ADAMTS10: variants seen among roughly 807,000 people sequenced by gnomAD.
ADAMTS10 encodes ADAM metallopeptidase with thrombospondin type 1 motif 10.
Under a neutral mutation model 135.9 loss-of-function variants are expected in ADAMTS10, and 48 were observed. That is an observed-to-expected ratio of 0.35 (90% CI 0.28 to 0.45). The LOEUF is 0.45. ADAMTS10 is among the 20% of genes least tolerant of loss of function. The probability of loss-of-function intolerance (pLI) is 1.00; values close to 1 mark genes in which losing one functional copy is unlikely to be tolerated. For synonymous variants in ADAMTS10, 621 were observed against 647.5 expected, an observed-to-expected ratio of 0.96 and a Z score of 0.62; for missense variants, 1,131 against 1,565.2, an observed-to-expected ratio of 0.72 and a Z score of 4.68.
chr19:8,597,191 G>C (rs367762915), intron 7 of ADAMTS10, 43 bp downstream of exon 7: 1 of 1,613,994 alleles, frequency 6.2e-7, no homozygotes, highest in African/African-American at 1.3e-5. Context: ...GGCAGGACAT[G>C]CTGGTATGAA....
At chr19:8,602,948 C>T (rs1444450935) in intron 5 of ADAMTS10, among the ~76,000 whole-genome samples, 3 of 152,078 alleles carry the variant, frequency 2.0e-5, no homozygotes, top group African/African-American at 7.2e-5. Flanking sequence ...CCTAGCAGTA[C>T]GATTGTGTTG....
chr19:8,591,442 GTTTT>G (rs375476762), intron 15 of ADAMTS10, among the ~76,000 whole-genome samples: 2 of 130,418 alleles, frequency 1.5e-5, no homozygotes, highest in East Asian at 2.1e-4. Flanking sequence ...TAGCGTTTTT[GTTTT>G]TTTTTTTTTT....
At chr19:8,587,166 T>TC (rs1337252019) in intron 18 of ADAMTS10, among the ~76,000 whole-genome samples, 1 of 150,826 alleles carries the variant, frequency 6.6e-6, no homozygotes, top group Non-Finnish European at 1.5e-5. Flanking sequence ...TTTCTTTCTT[T>TC]TTTTTTTTTG....
At chr19:8,593,055 C>T (rs966712165) in intron 12 of ADAMTS10, 185 bp from the exon 13 acceptor site, 1 of 647,452 alleles carries the variant, frequency 1.5e-6, no homozygotes, top group African/African-American at 1.8e-5. Flanking sequence ...GTGACTTATA[C>T]TCTCCCAATA....
chr19:8,589,626 C>A (rs1555738383), intron 16 of ADAMTS10, 41 bp from the exon 17 acceptor site: 1 of 1,611,644 alleles, frequency 6.2e-7, no homozygotes, highest in African/African-American at 1.3e-5. Context: ...CCAGGCCACC[C>A]CGGAACTCTT....
Position 8,591,940 on chromosome 19 carries a change from G to A in ADAMTS10, c.1733+18C>T. ...AGGGGTCGCGCTGCCCTCCCGGGTGGGGGTCCTGAGGGCTGACCTGGGGCT... is the reference window on the plus strand; with the variant it reads ...AGGGGTCGCGCTGCCCTCCCGGGTGAGGGTCCTGAGGGCTGACCTGGGGCT... On this transcript the variant is annotated intron_variant, in intron 14 of 25. Transcript: ENST00000597188. The A allele has an allele frequency of 6.2e-7, 1 of 1,612,068 alleles. No individual in the cohort carries two copies.
At position 8,596,280 on chromosome 19, in the gene ADAMTS10, T is replaced by TC. The variant is rs781972912; in HGVS notation, c.1190+26dup. The TC allele has an allele frequency of 1.9e-6, 3 of 1,612,120 alleles. No homozygotes were observed. The highest frequency in any genetic ancestry group is 2.5e-6 in the Non-Finnish European group (3 of 1,179,890). On this transcript the variant is annotated intron_variant, in intron 10 of 25. Transcript: ENST00000597188. The surrounding 1 kb of genome is among the most constrained non-coding windows in gnomAD (Gnocchi z 7.2). ...GGGACCCGCCCAGCTCCTCCCCTCC[T>TC]CCCCCTCTTGTGTGCCCTGGCCTCA...
At chr19:8,600,558 G>T (rs1180404639) in intron 6 of ADAMTS10, among the ~76,000 whole-genome samples, 8 of 148,192 alleles carry the variant, frequency 5.4e-5, no homozygotes, top group Non-Finnish European at 1.2e-4. Flanking sequence ...GAGTGCAGTG[G>T]CGTGATCTTG....
chr19:8,600,528 T>G (rs1302611734), intron 6 of ADAMTS10, among the ~76,000 whole-genome samples: 1 of 148,728 alleles, frequency 6.7e-6, no homozygotes, highest in Admixed American at 6.7e-5. Context: ...TGACAGAGTC[T>G]TGCTCTGTCG....
chr19:8,585,083 C>T (rs1555736514), intron 24 of ADAMTS10, 29 bp from the exon 25 acceptor site: 4 of 1,502,604 alleles, frequency 2.7e-6, no homozygotes, highest in South Asian at 1.2e-5. Context: ...CAGTTGCTGC[C>T]CCGCAGCCCC....
rs996793365 is a variant in ADAMTS10, at chr19:8,602,421, C to T, written c.593-1276G>A. Reference sequence around the variant, plus strand: ...GCAACCTCTACCTCCCGGGTTCAGGCGATTCTCCTGCCTTAGCCTCCCAAG... The same window carrying T: ...GCAACCTCTACCTCCCGGGTTCAGGTGATTCTCCTGCCTTAGCCTCCCAAG... On this transcript the variant is annotated intron_variant, in intron 5 of 25. Transcript: ENST00000597188. Among the ~76,000 whole-genome samples the T allele has an allele frequency of 2.6e-5, 4 of 152,046 alleles. No individual in the cohort carries two copies. In the East Asian group the frequency reaches 5.8e-4, roughly 22 times the overall value.
At position 8,585,036 on chromosome 19, in the gene ADAMTS10, C is replaced by T; in HGVS notation, c.3061G>A (p.Val1021Ile). The T allele has an allele frequency of 6.5e-7, 1 of 1,531,488 alleles. No individual in the cohort carries two copies. The highest frequency in any genetic ancestry group is 8.8e-7 in the Non-Finnish European group (1 of 1,142,844). The allele number at this position is 1,531,488 out of a possible 1,614,324, so 94.9% of individuals were successfully genotyped here. ...CGCACCGAGCGCTGCCGCTGCCCGA[C>T]GCCGCACTGTGCAGAGCACTGCGAG... ...EWGECSAQCGVGQRQRSVRCT... is the reference protein window; with the variant it reads ...EWGECSAQCGIGQRQRSVRCT... Residue 1021 changes from valine to isoleucine, a missense_variant, in exon 25 of 26, where the codon GTC becomes ATC. Physicochemically the swap from Val to Ile is conservative, Grantham distance 29. Transcript: ENST00000597188.
chr19:8,583,006 A>T (rs968409179), intron 25 of ADAMTS10, among the ~76,000 whole-genome samples: 10 of 150,694 alleles, frequency 6.6e-5, no homozygotes, highest in Non-Finnish European at 1.5e-4. Flanking sequence ...CTGGTCTCCA[A>T]CTCCTGGGCT....
chr19:8,589,391 C>T (rs370749995), intron 17 of ADAMTS10, 26 bp from the exon 18 acceptor site: 21 of 1,610,894 alleles, frequency 1.3e-5, no homozygotes, highest in Non-Finnish European at 1.6e-5. Flanking sequence ...GTGAGTGAGG[C>T]GACCCCCTAA....
chr19:8,594,130 A>G (rs2042576732), intron 12 of ADAMTS10, among the ~76,000 whole-genome samples: 1 of 152,198 alleles, frequency 6.6e-6, no homozygotes. Flanking sequence ...CCTCTTCAAG[A>G]TAATGATTTC....
At chr19:8,607,565 T>C (rs1357094956) in intron 2 of ADAMTS10, among the ~76,000 whole-genome samples, 2 of 152,116 alleles carry the variant, frequency 1.3e-5, no homozygotes, top group Non-Finnish European at 2.9e-5. Context: ...TCACAGAGTC[T>C]TGTTTTCTTT....
intron 12 of ADAMTS10, among the ~76,000 whole-genome samples, chr19:8,593,860 T>A (rs12985470): frequency 0.19 from 28,262 of 152,108 alleles, 2,813 homozygotes; most frequent in Middle Eastern, 0.23. Flanking sequence ...TGAACCCAAT[T>A]CTTGTAAGCT....
intron 12 of ADAMTS10, among the ~76,000 whole-genome samples, chr19:8,595,030 G>A (rs955191254): frequency 2.0e-5 from 3 of 152,140 alleles, no homozygotes; most frequent in South Asian, 4.1e-4. Context: ...AACTCTGATC[G>A]TTTGAGTTGT....
At chr19:8,603,667 T>A (rs1555741908) in intron 5 of ADAMTS10, 61 bp downstream of exon 5, 1 of 1,607,648 alleles carries the variant, frequency 6.2e-7, no homozygotes. Context: ...AAAAAGACAC[T>A]GCTGCCTCAA....
Sources: gnomAD v4.1 joint callset for allele counts (sites outside exome capture counted in the v4.1 genomes callset) on GRCh38, gnomAD v4.1.1 for gene constraint, Gnocchi (gnomAD v3.1) non-coding constraint, MANE v1.5 for transcripts, NCBI Gene and HGNC (gene_info 2026-07-23, HGNC 2026-07-21) for gene names.